IGF2R: variants seen among roughly 807,000 people sequenced by gnomAD.
IGF2R encodes cation-independent mannose-6-phosphate receptor.
IGF2R carries 91 observed loss-of-function variants against 270.6 expected under a neutral mutation model. The observed-to-expected ratio is 0.34, with a 90% CI of 0.28 to 0.40. The LOEUF is 0.40. Among genes scored for constraint, IGF2R ranks in the 10% least tolerant of loss-of-function variants. IGF2R has a pLI of 1.00. For missense variants in IGF2R, 2,805 were observed against 3,188.3 expected, an observed-to-expected ratio of 0.88 and a Z score of 2.90; for synonymous variants, 1,316 against 1,258.9, an observed-to-expected ratio of 1.05 and a Z score of -0.96.
chr6:160,047,188 G>A lies in IGF2R; in HGVS notation c.2081G>A (p.Ser694Asn), dbSNP rs1778086885. Residue 694 changes from serine to asparagine, a missense_variant, in exon 16 of 48, where the codon AGT becomes AAT. Physicochemically the swap from Ser to Asn is conservative, Grantham distance 46 (BLOSUM62 1). Around this residue, in one of 2 missense-constraint regions of IGF2R, gnomAD observed 954 missense variants for 981.1 expected, o/e 0.97. Coordinates refer to ENST00000356956, the MANE Select transcript of IGF2R (RefSeq NM_000876.4). ...GAGAAGACTTGGAACTTGGGTCTGA[G>A]TAATGCGAAGCTTTCATATTATGAT... ...SDEKTWNLGL[S>N]NAKLSYYDGM... 1 of 1,614,176 alleles carries A rather than the reference G, an allele frequency of 6.2e-7. No individual in the cohort carries two copies. The highest frequency in any genetic ancestry group is 1.1e-5 in the South Asian group (1 of 91,088).
intron 36 of IGF2R, among the ~76,000 whole-genome samples, chr6:160,077,674 A>G (rs377050677): frequency 1.3e-4 from 20 of 152,352 alleles, no homozygotes; most frequent in African/African-American, 4.8e-4. Flanking sequence ...CATAGGGAAA[A>G]AGATGCTTAA....
At chr6:160,018,886 A>G (rs1777365490) in intron 4 of IGF2R, among the ~76,000 whole-genome samples, 1 of 152,168 alleles carries the variant, frequency 6.6e-6, no homozygotes, top group Admixed American at 6.5e-5. Flanking sequence ...TTAACAACCT[A>G]ATATCACACT....
chr6:159,999,689 A>G (rs1479069842), intron 2 of IGF2R, among the ~76,000 whole-genome samples: 1 of 152,244 alleles, frequency 6.6e-6, no homozygotes, highest in African/African-American at 2.4e-5. Context: ...ATAGATCCAA[A>G]TATGTATGGG....
chr6:160,092,766 G>A (rs1243268275), intron 44 of IGF2R, among the ~76,000 whole-genome samples: 2 of 152,274 alleles, frequency 1.3e-5, no homozygotes, highest in South Asian at 2.1e-4. Context: ...GAGCCGCACC[G>A]CCTGTCTCTG....
Position 160,048,558 on chromosome 6 carries a change from ACTGCTTGTCTCCTTTGCCCTC to A in IGF2R, c.2514+18_2514+38del, listed in dbSNP as rs772548811. The A allele has an allele frequency of 6.2e-7, 1 of 1,611,628 alleles. No individual in the cohort carries two copies. The highest frequency in any genetic ancestry group is 8.5e-7 in the Non-Finnish European group (1 of 1,178,732). ...AAAAAGATCAGGTGAATCTGTTTTC[ACTGCTTGTCTCCTTTGCCCTC>A]CTAATTCCATGACTTAGTGGGAGGA... On this transcript the variant is annotated intron_variant, in intron 18 of 47. Transcript: ENST00000356956.
intron 2 of IGF2R, among the ~76,000 whole-genome samples, chr6:160,002,449 A>G (rs1784144990): frequency 6.6e-6 from 1 of 152,196 alleles, no homozygotes; most frequent in African/African-American, 2.4e-5. Flanking sequence ...ATTGAGCGGC[A>G]GTGGATCATC....
chr6:160,022,582 A>G (rs746844207), intron 4 of IGF2R, among the ~76,000 whole-genome samples: 6 of 152,368 alleles, frequency 3.9e-5, no homozygotes, highest in Admixed American at 1.3e-4. Flanking sequence ...TTTATGGAAC[A>G]AATATAGAAC....
rs1298394592 is a variant in IGF2R, at chr6:159,991,430, T to A, written c.289+107T>A. 8.8e-6 allele frequency: 8 copies of A among 905,754 alleles called. No individual in the cohort carries two copies. In the East Asian group the frequency reaches 1.7e-4, roughly 20 times the overall value. The allele number at this position is 905,754 out of a possible 1,614,324, so 56.1% of individuals were successfully genotyped here. On this transcript the variant is annotated intron_variant, in intron 2 of 47. Transcript: ENST00000356956. ...TATAGCGATACAAAAATTTTGAATG[T>A]TTAGAAATCATAAGTGTTTATAATA... is the stretch of plus-strand genomic sequence containing the variant.
At chr6:160,103,968 C>T (rs569679540) in intron 47 of IGF2R, among the ~76,000 whole-genome samples, 153 bp downstream of exon 47, 30 of 152,136 alleles carry the variant, frequency 2.0e-4, no homozygotes, top group Middle Eastern at 3.2e-3. Context: ...CAGCCACTTA[C>T]GCCAGCACAT....
intron 4 of IGF2R, among the ~76,000 whole-genome samples, chr6:160,012,305 G>A (rs747801700): frequency 6.6e-6 from 1 of 152,128 alleles, no homozygotes; most frequent in Non-Finnish European, 1.5e-5. Flanking sequence ...TTGGGGGTGA[G>A]GGTGGGAGCA....
intron 7 of IGF2R, among the ~76,000 whole-genome samples, chr6:160,031,093 C>A (rs142831120): frequency 6.6e-6 from 1 of 152,118 alleles, no homozygotes; most frequent in Non-Finnish European, 1.5e-5. Context: ...CTGTCCACCT[C>A]GGCCTCCCAC....
chr6:160,051,335 T>C (rs1387837572), intron 19 of IGF2R, among the ~76,000 whole-genome samples: 1 of 152,228 alleles, frequency 6.6e-6, no homozygotes, highest in Non-Finnish European at 1.5e-5. Flanking sequence ...TGTCCAGGTG[T>C]GATTGCTGTC....
intron 30 of IGF2R, among the ~76,000 whole-genome samples, chr6:160,069,110 T>C (rs1206013494): frequency 1.6e-4 from 25 of 152,014 alleles, no homozygotes; most frequent in Admixed American, 1.6e-3. Context: ...GTCGGTCCTT[T>C]TGTGATGCAG....
rs1305157875 is a variant in IGF2R, at chr6:160,071,955, A to G, written c.4489A>G (p.Thr1497Ala). ...CAGCGCCGTGGAGGACTGTGAGTAC[A>G]CCTTTGCCTGGCCCACAGCCACAGC... ...FISAVEDCEYTFAWPTATACP... is the reference protein window; with the variant it reads ...FISAVEDCEYAFAWPTATACP... The change falls in exon 32 of 48, where the codon ACC (threonine) becomes GCC (alanine). Residue 1497 changes from threonine to alanine, a missense_variant. By Grantham distance (58) the Thr-to-Ala change is moderately conservative (BLOSUM62 0). Around this residue, in one of 2 missense-constraint regions of IGF2R, gnomAD observed 1,851 missense variants for 2,207.2 expected, o/e 0.84. Transcript: ENST00000356956. The G allele has an allele frequency of 1.2e-6, 2 of 1,614,072 alleles. No homozygotes were observed. The highest frequency in any genetic ancestry group is 1.7e-6 in the Non-Finnish European group (2 of 1,179,988).
intron 16 of IGF2R, 104 bp from the exon 17 acceptor site, chr6:160,047,688 C>T: frequency 1.3e-6 from 1 of 776,494 alleles, no homozygotes. Flanking sequence ...CTTTTCTTCA[C>T]AGTTTCTCAT....
Position 160,042,438 on chromosome 6 carries a change from CCTT to C in IGF2R, c.1481-709_1481-707del, listed in dbSNP as rs535811589. ...GTGTATTTTTATATCTTTACCTCCTCCTTGACACACTTTGTAAGTTACTCCTTC... is the reference window on the plus strand; with the variant it reads ...GTGTATTTTTATATCTTTACCTCCTCGACACACTTTGTAAGTTACTCCTTC... On this transcript the variant is annotated intron_variant, in intron 11 of 47. Transcript: ENST00000356956. Among the ~76,000 whole-genome samples the C allele has an allele frequency of 3.1e-3, 473 of 152,340 alleles. 2 individuals carry two copies. The highest frequency in any genetic ancestry group is 0.011 in the African/African-American group (442 of 41,582).
intron 25 of IGF2R, 138 bp from the exon 26 acceptor site, chr6:160,062,394 G>C (rs1778459862): frequency 1.5e-6 from 1 of 668,442 alleles, no homozygotes; most frequent in Non-Finnish European, 2.6e-6. Flanking sequence ...GGCTGATCTT[G>C]AACTCCTGAA....
At chr6:159,996,620 A>G (rs575734911) in intron 2 of IGF2R, among the ~76,000 whole-genome samples, 58 of 152,262 alleles carry the variant, frequency 3.8e-4, no homozygotes, top group Middle Eastern at 6.8e-3. Context: ...TGGGAGCACA[A>G]TCTGCCTCCC....
intron 2 of IGF2R, among the ~76,000 whole-genome samples, chr6:159,997,017 A>G (rs865775735): frequency 1.3e-5 from 2 of 152,210 alleles, no homozygotes; most frequent in Non-Finnish European, 1.5e-5. Flanking sequence ...AGGGTGGGGG[A>G]GGAGAAGTCC....
Sources: allele counts gnomAD v4.1 joint callset (sites outside exome capture counted in the v4.1 genomes callset), GRCh38; gene constraint gnomAD v4.1.1; regional missense constraint gnomAD v4.1.1; transcripts MANE v1.5; gene names NCBI Gene and HGNC (gene_info 2026-07-23, HGNC 2026-07-21).